The following SLC12A7 variants were observed in gnomAD, a reference collection of about 807,000 sequenced individuals.
SLC12A7 encodes the protein K-Cl cotransporter 4.
Under a neutral mutation model 120.6 loss-of-function variants are expected in SLC12A7, and 100 were observed. The observed-to-expected ratio is 0.83, with a 90% CI of 0.71 to 0.98. SLC12A7 has a LOEUF of 0.98. Among genes scored for constraint, SLC12A7 ranks in the 50% least tolerant of loss-of-function variants. The pLI is 0.00. For synonymous variants in SLC12A7, 760 were observed against 678.0 expected, an observed-to-expected ratio of 1.12 and a Z score of -1.88; for missense variants, 1,373 against 1,548.1, an observed-to-expected ratio of 0.89 and a Z score of 1.90.
chr5:1,119,075 T>G, the SLC12A7 span, among the ~76,000 whole-genome samples: 1 of 152,224 alleles, frequency 6.6e-6, no homozygotes, highest in Non-Finnish European at 1.5e-5. Flanking sequence ...GTGCTCACCC[T>G]CAGTCTGCAG....
chr5:1,068,943 C>A (rs1224140609), intron 17 of SLC12A7, among the ~76,000 whole-genome samples: 1 of 152,264 alleles, frequency 6.6e-6, no homozygotes, highest in Non-Finnish European at 1.5e-5. Flanking sequence ...TCCACGCCAG[C>A]AGGGCAGTTC....
At chr5:1,122,533 C>T in the SLC12A7 span, among the ~76,000 whole-genome samples, 9 of 152,144 alleles carry the variant, frequency 5.9e-5, no homozygotes, top group Admixed American at 1.3e-4. Context: ...TTTAAGTGTC[C>T]GACGGACGAA....
At chr5:1,078,930 CCGTGTCCTCAG>C (rs1417079562) in intron 10 of SLC12A7, among the ~76,000 whole-genome samples, 172 bp from the exon 11 acceptor site, 1 of 152,104 alleles carries the variant, frequency 6.6e-6, no homozygotes, top group Admixed American at 6.5e-5. Flanking sequence ...GTCCTGTCCC[CCGTGTCCTCAG>C]CGCACCCTCC....
intron 17 of SLC12A7, among the ~76,000 whole-genome samples, chr5:1,068,623 C>G (rs1737301332): frequency 6.6e-6 from 1 of 152,238 alleles, no homozygotes; most frequent in Non-Finnish European, 1.5e-5. Context: ...TAAGTCACAG[C>G]CAAAGGCTCG....
intron 1 of SLC12A7, among the ~76,000 whole-genome samples, chr5:1,102,149 C>A (rs1228283449): frequency 6.6e-6 from 1 of 152,192 alleles, no homozygotes; most frequent in African/African-American, 2.4e-5. Flanking sequence ...GGGAAGGAGG[C>A]GGCTGCAGGT....
intron 1 of SLC12A7, among the ~76,000 whole-genome samples, chr5:1,095,963 G>A (rs1431304819): frequency 6.6e-6 from 1 of 152,150 alleles, no homozygotes; most frequent in Non-Finnish European, 1.5e-5. Context: ...ACGGAGCAGC[G>A]GCCCCACCCC....
rs1011007001 is a variant in SLC12A7 at position 1,074,478 on chromosome 5, C to G, written c.2072+89G>C. 47 of 1,226,184 alleles carry G rather than the reference C, an allele frequency of 3.8e-5. No individual in the cohort carries two copies. In the Admixed American group the frequency reaches 8.9e-4, roughly 23 times the overall value. The allele number at this position is 1,226,184 out of a possible 1,614,324, so 76.0% of individuals were successfully genotyped here. A position where few individuals can be genotyped will look rare whatever the true frequency, so the allele number is the denominator to read the frequency against. On this transcript the variant is annotated intron_variant, in intron 16 of 23. Coordinates refer to ENST00000264930, the MANE Select transcript of SLC12A7 (RefSeq NM_006598.3). ...CCTGAGCGGCTGAAGGTGAGAGGCC[C>G]CTGAGACTCAAAGGTCCCCACTCAA...
In SLC12A7 at chr5:1,063,206, C is replaced by T. The variant is rs182853088; in HGVS notation, c.2739+638G>A. Among the ~76,000 whole-genome samples, 7 of 152,320 alleles carry T rather than the reference C, an allele frequency of 4.6e-5. No homozygotes were observed. In the East Asian group the frequency reaches 7.7e-4, roughly 17 times the overall value. ...TGTCCAGGCCCTGCCTATAGCTGAC[C>T]GAGGGCCTGTCTGTCCCACGTGACA... On this transcript the variant is annotated intron_variant, in intron 20 of 23. Transcript: ENST00000264930.
At chr5:1,081,122 C>A (rs959632155) in intron 9 of SLC12A7, among the ~76,000 whole-genome samples, 6 of 149,630 alleles carry the variant, frequency 4.0e-5, no homozygotes, top group Non-Finnish European at 8.9e-5. Flanking sequence ...AGAAAGAGTG[C>A]CGGAGGAGAG....
chr5:1,064,134 C>T lies in SLC12A7; in HGVS notation c.2556G>A (p.Val852=). 1 of 1,611,758 alleles carries T rather than the reference C, an allele frequency of 6.2e-7. No homozygotes were observed. The highest frequency in any genetic ancestry group is 1.7e-4 in the Middle Eastern group (1 of 6,058). ...GCAGCATGAGCATGCCGCCGTCGTG[C>T]ACGATCCACCACACGTCGATGTGGC... ...GGGHIDVWWI[V]HDGGMLMLLP... Residue 852 remains valine, a synonymous_variant, in exon 19 of 24, where the codon GTG becomes GTA. Coordinates refer to ENST00000264930, the MANE Select transcript of SLC12A7 (RefSeq NM_006598.3).
the SLC12A7 span, among the ~76,000 whole-genome samples, chr5:1,137,912 A>AG: frequency 1.3e-5 from 2 of 152,260 alleles, no homozygotes; most frequent in East Asian, 1.9e-4. Flanking sequence ...AGACACCCTA[A>AG]GGGGGTCCAG....
intron 21 of SLC12A7, among the ~76,000 whole-genome samples, chr5:1,058,325 T>C (rs1413967778): frequency 6.6e-6 from 1 of 152,242 alleles, no homozygotes; most frequent in East Asian, 1.9e-4. Flanking sequence ...TCCACTGGGT[T>C]CTCATTCCTC....
chr5:1,068,514 G>A (rs2150812323), intron 17 of SLC12A7, among the ~76,000 whole-genome samples: 1 of 152,388 alleles, frequency 6.6e-6, no homozygotes, highest in Non-Finnish European at 1.5e-5. Flanking sequence ...ACATAGCCAC[G>A]ATGGAGGAGA....
At chr5:1,063,383 G>T (rs1206807930) in intron 20 of SLC12A7, among the ~76,000 whole-genome samples, 2 of 152,190 alleles carry the variant, frequency 1.3e-5, no homozygotes, top group African/African-American at 4.8e-5. Flanking sequence ...CACCACTGAG[G>T]TGTGAGGTCC....
chr5:1,079,535 A>T (rs765160312), intron 9 of SLC12A7, 39 bp from the exon 10 acceptor site: 1 of 1,528,994 alleles, frequency 6.5e-7, no homozygotes. Context: ...CCATCTGAGG[A>T]GTCAGTGCCA....
chr5:1,130,828 AG>A, the SLC12A7 span, among the ~76,000 whole-genome samples: 1 of 152,222 alleles, frequency 6.6e-6, no homozygotes, highest in Non-Finnish European at 1.5e-5. Flanking sequence ...AGCTCAGCAC[AG>A]CCCATGCAGT....
At chr5:1,111,846 G>C in intron 1 of SLC12A7, 22 bp downstream of exon 1, 2 of 1,203,198 alleles carry the variant, frequency 1.7e-6, no homozygotes, top group Non-Finnish European at 2.1e-6. Flanking sequence ...GCCTTTGTCC[G>C]GCCAGGTGCG....
chr5:1,086,131 T>C (rs2150863065), intron 6 of SLC12A7, among the ~76,000 whole-genome samples: 1 of 152,216 alleles, frequency 6.6e-6, no homozygotes, highest in African/African-American at 2.4e-5. Context: ...TGGAGGGACA[T>C]GGCCAGGGGA....
the SLC12A7 span, among the ~76,000 whole-genome samples, chr5:1,152,054 C>G: frequency 4.6e-5 from 7 of 152,166 alleles, no homozygotes; most frequent in Non-Finnish European, 7.4e-5. Flanking sequence ...CCTATCAATG[C>G]CGAGCTGGAC....
Sources: allele counts gnomAD v4.1 joint callset (sites outside exome capture counted in the v4.1 genomes callset), GRCh38; gene constraint gnomAD v4.1.1; transcripts MANE v1.5; gene names NCBI Gene and HGNC (gene_info 2026-07-23, HGNC 2026-07-21).